The following FMNL2 variants were observed in gnomAD, a reference collection of about 807,000 sequenced individuals.
FMNL2 encodes the protein formin like 2.
A neutral mutation model predicts 130.2 loss-of-function variants in FMNL2; 51 were observed. The ratio of observed to expected loss-of-function variants is 0.39; its 90% confidence interval spans 0.31 to 0.49. The LOEUF is 0.49. Ranked by LOEUF, FMNL2 falls within the 20% of genes least tolerant of loss-of-function variation. FMNL2 has a pLI of 0.85. For missense variants in FMNL2, 977 were observed against 1,316.2 expected (o/e 0.74, Z 3.99); for synonymous variants, 465 against 467.1 (o/e 1.00, Z 0.06).
chr2:152,550,043 G>A (rs577657181), intron 4 of FMNL2, among the ~76,000 whole-genome samples: 13 of 152,164 alleles, frequency 8.5e-5, no homozygotes, highest in African/African-American at 2.4e-4. Flanking sequence ...GTTCTGTCTC[G>A]TTGATAGTTC....
intron 3 of FMNL2, among the ~76,000 whole-genome samples, chr2:152,543,191 GA>G (rs1211418177): frequency 6.6e-6 from 1 of 152,176 alleles, no homozygotes; most frequent in Non-Finnish European, 1.5e-5. Flanking sequence ...CAGAGACCTT[GA>G]AAAATCACTG....
intron 6 of FMNL2, among the ~76,000 whole-genome samples, chr2:152,568,942 T>A (rs1206761336): frequency 6.6e-6 from 1 of 152,150 alleles, no homozygotes; most frequent in Non-Finnish European, 1.5e-5. Context: ...CTTCTAGCTT[T>A]TTAGCTTATG....
chr2:152,507,637 A>G (rs977624205), intron 1 of FMNL2, among the ~76,000 whole-genome samples: 2 of 152,210 alleles, frequency 1.3e-5, no homozygotes, highest in African/African-American at 2.4e-5. Context: ...GTTCTGTGAT[A>G]TAAACTTAAA....
At chr2:152,356,575 A>G (rs533045386) in intron 1 of FMNL2, among the ~76,000 whole-genome samples, 11 of 152,372 alleles carry the variant, frequency 7.2e-5, no homozygotes, top group Non-Finnish European at 1.5e-4. Context: ...CAGTGCTTTT[A>G]TGGTCACTCA....
At chr2:152,531,529 C>T (rs10931154) in intron 2 of FMNL2, among the ~76,000 whole-genome samples, 49,265 of 150,866 alleles carry the variant, frequency 0.33, 8,261 homozygotes, top group East Asian at 0.54. Flanking sequence ...GGCTGGAGTA[C>T]AGTGGCACGA....
At chr2:152,601,667 C>CTTTTCT (rs36031692) in intron 9 of FMNL2, among the ~76,000 whole-genome samples, 95 of 132,240 alleles carry the variant, frequency 7.2e-4, no homozygotes, top group Middle Eastern at 8.5e-3. Flanking sequence ...CTTTTCTTTT[C>CTTTTCT]TTTCTTTTTT....
chr2:152,533,097 T>G (rs1474471457), intron 2 of FMNL2, among the ~76,000 whole-genome samples: 1 of 152,240 alleles, frequency 6.6e-6, no homozygotes, highest in Non-Finnish European at 1.5e-5. Flanking sequence ...TTGAATTTAT[T>G]TTTTAAGTGG....
At chr2:152,440,482 T>G (rs1687995397) in intron 1 of FMNL2, among the ~76,000 whole-genome samples, 1 of 152,220 alleles carries the variant, frequency 6.6e-6, no homozygotes, top group South Asian at 2.1e-4. Flanking sequence ...CCCGCTTGAC[T>G]GTGTTTAGGG....
At chr2:152,565,411 A>G (rs1695782022) in intron 6 of FMNL2, among the ~76,000 whole-genome samples, 1 of 152,100 alleles carries the variant, frequency 6.6e-6, no homozygotes, top group Non-Finnish European at 1.5e-5. Context: ...GTGCTAGGGA[A>G]TGAGAGAAGA....
intron 1 of FMNL2, among the ~76,000 whole-genome samples, chr2:152,480,728 A>T (rs1444817097): frequency 6.6e-6 from 1 of 151,986 alleles, no homozygotes; most frequent in Non-Finnish European, 1.5e-5. Context: ...CCATCTACCA[A>T]GGGCTATGCA....
intron 9 of FMNL2, among the ~76,000 whole-genome samples, chr2:152,591,721 G>A (rs1172987581): frequency 6.6e-6 from 1 of 152,204 alleles, no homozygotes; most frequent in African/African-American, 2.4e-5. Flanking sequence ...CCAGAGGATT[G>A]CTTGGGTCTA....
intron 1 of FMNL2, among the ~76,000 whole-genome samples, chr2:152,418,452 C>T (rs1004098814): frequency 1.3e-5 from 2 of 152,164 alleles, no homozygotes; most frequent in Admixed American, 1.3e-4. Context: ...TAAACAGTAA[C>T]TCTTCATTCC....
chr2:152,633,580 ACT>A (rs756093440), intron 21 of FMNL2, among the ~76,000 whole-genome samples: 1 of 152,096 alleles, frequency 6.6e-6, no homozygotes, highest in Non-Finnish European at 1.5e-5. Flanking sequence ...GATGGAGATG[ACT>A]CTCTGACTAT....
At chr2:152,514,360 G>A (rs556693668) in intron 1 of FMNL2, among the ~76,000 whole-genome samples, 6 of 152,176 alleles carry the variant, frequency 3.9e-5, no homozygotes, top group East Asian at 3.9e-4. Context: ...TTGGTCTCAC[G>A]CTACCCACTC....
chr2:152,380,774 T>A (rs1196375760), intron 1 of FMNL2, among the ~76,000 whole-genome samples: 1 of 152,208 alleles, frequency 6.6e-6, no homozygotes, highest in Admixed American at 6.5e-5. Context: ...TCTGTGGAGT[T>A]TGTTTTATAC....
chr2:152,411,580 A>G (rs763455574), intron 1 of FMNL2, among the ~76,000 whole-genome samples: 5 of 152,196 alleles, frequency 3.3e-5, no homozygotes, highest in Non-Finnish European at 7.3e-5. Flanking sequence ...AGAGCCAGCC[A>G]GTTATTTTTG....
At chr2:152,518,604 G>A (rs116476465) in intron 1 of FMNL2, among the ~76,000 whole-genome samples, 3,086 of 152,032 alleles carry the variant, frequency 0.02, 60 homozygotes, top group Non-Finnish European at 0.029. Flanking sequence ...CTTTTGTTAC[G>A]TGCCCCTCTT....
intron 1 of FMNL2, among the ~76,000 whole-genome samples, chr2:152,455,265 G>A (rs1579705858): frequency 6.6e-6 from 1 of 152,286 alleles, no homozygotes; most frequent in East Asian, 1.9e-4. Flanking sequence ...GTAGGGGCTG[G>A]CTACTTAAAA....
At chr2:152,461,328 A>G (rs928006028) in intron 1 of FMNL2, among the ~76,000 whole-genome samples, 1 of 150,742 alleles carries the variant, frequency 6.6e-6, no homozygotes, top group African/African-American at 2.5e-5. Context: ...ACATGTAATC[A>G]ATATAAAGAT....
Sources: gnomAD v4.1 joint callset for allele counts (sites outside exome capture counted in the v4.1 genomes callset) on GRCh38, gnomAD v4.1.1 for gene constraint, MANE v1.5 for transcripts, NCBI Gene and HGNC (gene_info 2026-07-23, HGNC 2026-07-21) for gene names.